Variants in NTRK3 observed in about 807,000 individuals in gnomAD.
NTRK3 encodes the protein NT-3 growth factor receptor.
In NTRK3, 24 loss-of-function variants were observed where a neutral mutation model predicts 91.7. That is an observed-to-expected ratio of 0.26 (90% CI 0.19 to 0.37). NTRK3 has a LOEUF of 0.37. Ranked by LOEUF, NTRK3 falls within the 10% of genes least tolerant of loss-of-function variation. The probability of loss-of-function intolerance (pLI) is 1.00; values close to 1 mark genes in which losing one functional copy is unlikely to be tolerated. For synonymous variants in NTRK3, 483 were observed against 404.0 expected (o/e 1.20, Z -2.34); for missense variants, 880 against 1,068.9 (o/e 0.82, Z 2.46).
At chr15:88,135,120 G>A (rs540292255) in exon 10 of NTRK3, 6 of 1,614,262 alleles carry the variant, frequency 3.7e-6, no homozygotes, top group Non-Finnish European at 5.1e-6. Flanking sequence ...GCTCCTTGAG[G>A]AAGTGGCCAT....
chr15:88,023,074 A>G (rs2077721137), intron 14 of NTRK3, among the ~76,000 whole-genome samples: 1 of 152,140 alleles, frequency 6.6e-6, no homozygotes, highest in Non-Finnish European at 1.5e-5. Context: ...TCTTCCAGGA[A>G]TGGGGGAAAA....
chr15:88,094,143 A>G lies in NTRK3; in HGVS notation c.1396+32128T>C, dbSNP rs540876150. ...GGCTCTTCTTGCTGCAGCCTTTGGA[A>G]GAAGTGGGCTGCAGGAAGGGGCTTA... On this transcript the variant is annotated intron_variant, in intron 13 of 18. Coordinates refer to ENST00000394480, the Ensembl canonical transcript of NTRK3. Among the ~76,000 whole-genome samples, 7 of 152,254 alleles carry G rather than the reference A, an allele frequency of 4.6e-5. No individual in the cohort carries two copies. In the South Asian group the frequency reaches 1.5e-3, roughly 32 times the overall value.
chr15:88,076,921 C>T (rs1468731928), intron 13 of NTRK3, among the ~76,000 whole-genome samples: 3 of 151,906 alleles, frequency 2.0e-5, no homozygotes, highest in Non-Finnish European at 4.4e-5. Flanking sequence ...GGTGAAACCC[C>T]CACCTCTACC....
intron 14 of NTRK3, among the ~76,000 whole-genome samples, chr15:87,952,209 A>G (rs1190302326): frequency 1.3e-5 from 2 of 150,720 alleles, no homozygotes; most frequent in Non-Finnish European, 3.0e-5. Flanking sequence ...AAAGAAAGAA[A>G]GAAGAAAAGA....
chr15:88,115,461 T>G (rs1316407043), intron 13 of NTRK3, among the ~76,000 whole-genome samples: 1 of 152,188 alleles, frequency 6.6e-6, no homozygotes, highest in African/African-American at 2.4e-5. Context: ...AGGATTCACT[T>G]TTGAAAGGCA....
chr15:88,178,807 C>T lies in NTRK3; in HGVS notation c.395+4611G>A, dbSNP rs1373322237. Among the ~76,000 whole-genome samples the T allele has an allele frequency of 2.0e-5, 3 of 152,224 alleles. No homozygotes were observed. In the East Asian group the frequency reaches 5.8e-4, roughly 29 times the overall value. On this transcript the variant is annotated intron_variant, in intron 5 of 18. Transcript: ENST00000394480. Reference sequence around the variant, plus strand: ...GAATAGAAAGAGGAACTAAACAGAGCTTTCTCAACAGAGCTCTTTGAGGAT... The same window carrying T: ...GAATAGAAAGAGGAACTAAACAGAGTTTTCTCAACAGAGCTCTTTGAGGAT...
At chr15:88,137,352 G>A in intron 7 of NTRK3, 52 bp downstream of exon 7, 3 of 1,602,342 alleles carry the variant, frequency 1.9e-6, no homozygotes, top group Non-Finnish European at 2.6e-6. Flanking sequence ...CATCTCTGGT[G>A]TCTGAGGGAT....
chr15:87,970,616 C>T (rs1234797006), intron 14 of NTRK3, among the ~76,000 whole-genome samples: 1 of 152,198 alleles, frequency 6.6e-6, no homozygotes, highest in Non-Finnish European at 1.5e-5. Flanking sequence ...GGTTTGTTTA[C>T]AGCAGGACTT....
intron 13 of NTRK3, among the ~76,000 whole-genome samples, chr15:88,079,506 C>G (rs935316519): frequency 6.6e-6 from 1 of 152,186 alleles, no homozygotes; most frequent in Non-Finnish European, 1.5e-5. Context: ...CTGGCAGGCA[C>G]GTGCTCTCAG....
chr15:88,013,855 G>A (rs1350257306), intron 14 of NTRK3, among the ~76,000 whole-genome samples: 1 of 152,102 alleles, frequency 6.6e-6, no homozygotes. Context: ...TGGGAGGACA[G>A]ATTGAGCCCA....
intron 15 of NTRK3, among the ~76,000 whole-genome samples, chr15:87,935,585 G>T (rs1016499623): frequency 1.3e-5 from 2 of 152,052 alleles, no homozygotes; most frequent in African/African-American, 4.8e-5. Context: ...AAGAAGAAGG[G>T]GAAAAAACTG....
exon 19 of NTRK3, chr15:87,869,161 G>A (rs1285937552): frequency 4.4e-6 from 1 of 229,036 alleles, no homozygotes; most frequent in Non-Finnish European, 8.7e-6. Flanking sequence ...CAGAAAGCCT[G>A]GCTCAGCATC....
At chr15:87,968,080 T>C (rs2072940360) in intron 14 of NTRK3, among the ~76,000 whole-genome samples, 1 of 152,186 alleles carries the variant, frequency 6.6e-6, no homozygotes, top group Non-Finnish European at 1.5e-5. Context: ...AGTAAGATAG[T>C]GTATGCCTTT....
intron 13 of NTRK3, among the ~76,000 whole-genome samples, chr15:88,126,046 A>C (rs545868106): frequency 6.6e-6 from 1 of 152,316 alleles, no homozygotes; most frequent in South Asian, 2.1e-4. Context: ...CAGCAGTCAA[A>C]GCAAAACCAT....
At chr15:87,860,746 G>A (rs955489757) in exon 19 of NTRK3, 1 of 210,552 alleles carries the variant, frequency 4.7e-6, no homozygotes, top group Non-Finnish European at 9.7e-6. Flanking sequence ...TCAACTTTGG[G>A]ATCCAAATGA....
intron 3 of NTRK3, among the ~76,000 whole-genome samples, chr15:88,227,492 G>A (rs962925091): frequency 1.3e-5 from 2 of 152,162 alleles, no homozygotes; most frequent in African/African-American, 4.8e-5. Context: ...CAGGTGAAAA[G>A]AGAGACACCG....
intron 14 of NTRK3, among the ~76,000 whole-genome samples, chr15:88,031,015 T>G (rs1010669820): frequency 6.6e-6 from 1 of 152,200 alleles, no homozygotes; most frequent in Admixed American, 6.5e-5. Flanking sequence ...AGCTGTGATG[T>G]GCCTCACAGA....
At position 88,240,841 on chromosome 15, in the gene NTRK3, CCT is replaced by C. The variant is rs1198906440; in HGVS notation, c.248+15063_248+15064del. ...TGAGCTCAGTTTTCTCTAGAAGATT[CCT>C]CCAACGGGCTGCCCTGCTAAGGGCA... On this transcript the variant is annotated intron_variant, in intron 3 of 18. Coordinates refer to ENST00000394480, the Ensembl canonical transcript of NTRK3. The surrounding 1 kb of genome is among the most constrained non-coding windows in gnomAD (Gnocchi z 4.9). 6.6e-6 allele frequency among the ~76,000 whole-genome samples: 1 copy of C among 152,238 alleles called. No homozygotes were observed. The highest frequency in any genetic ancestry group is 2.4e-5 in the African/African-American group (1 of 41,466).
At chr15:88,131,270 C>T (rs139427369) in intron 10 of NTRK3, among the ~76,000 whole-genome samples, 34 of 152,292 alleles carry the variant, frequency 2.2e-4, no homozygotes, top group Admixed American at 9.8e-4. Context: ...ATTCATTCAC[C>T]CATTCATTCA....
Sources: allele counts gnomAD v4.1 joint callset (sites outside exome capture counted in the v4.1 genomes callset), GRCh38; gene constraint gnomAD v4.1.1; non-coding constraint Gnocchi (gnomAD v3.1); transcripts MANE v1.5; gene names NCBI Gene and HGNC (gene_info 2026-07-23, HGNC 2026-07-21).